Variants in PTPN9 observed in about 807,000 individuals in gnomAD.
PTPN9 encodes the protein protein tyrosine phosphatase non-receptor type 9.
A neutral mutation model predicts 69.8 loss-of-function variants in PTPN9; 26 were observed. The observed-to-expected ratio is 0.37, with a 90% CI of 0.27 to 0.52. The LOEUF (loss-of-function observed/expected upper bound fraction) is 0.52, where lower values mean the gene tolerates loss of function less well. PTPN9 is among the 20% of genes least tolerant of loss of function. PTPN9 has a pLI of 0.91. For synonymous variants in PTPN9, 274 were observed against 272.5 expected, an observed-to-expected ratio of 1.01 and a Z score of -0.05; for missense variants, 549 against 740.3, an observed-to-expected ratio of 0.74 and a Z score of 3.00.
At chr15:75,547,414 T>A (rs1595967159) in intron 1 of PTPN9, among the ~76,000 whole-genome samples, 2 of 150,742 alleles carry the variant, frequency 1.3e-5, no homozygotes, top group South Asian at 2.1e-4. Context: ...CTGGCCAACA[T>A]GGTGAAACCC....
intron 1 of PTPN9, among the ~76,000 whole-genome samples, chr15:75,535,163 T>C (rs1000224942): frequency 6.6e-6 from 1 of 151,628 alleles, no homozygotes; most frequent in African/African-American, 2.4e-5. Flanking sequence ...TGCCTGGCTA[T>C]TTTTTTGTAT....
intron 1 of PTPN9, among the ~76,000 whole-genome samples, chr15:75,550,764 A>G (rs2075053623): frequency 6.6e-6 from 1 of 152,132 alleles, no homozygotes; most frequent in East Asian, 1.9e-4. Context: ...AACCTGGGCA[A>G]AAAGAGTGAA....
intron 1 of PTPN9, among the ~76,000 whole-genome samples, chr15:75,551,237 G>A (rs2075055472): frequency 6.6e-6 from 1 of 151,722 alleles, no homozygotes; most frequent in Non-Finnish European, 1.5e-5. Flanking sequence ...CCCTGCCGAG[G>A]GCTGTTAAGA....
At position 75,523,156 on chromosome 15, in the gene PTPN9, C is replaced by T. The variant is rs151265510; in HGVS notation, c.387G>A (p.Gln129=). The change falls in exon 4 of 13, where the codon CAG becomes CAA. Residue 129 remains glutamine (Q), a synonymous_variant. Transcript: ENST00000618819. ...PHKSVQHVVL[Q]ALFYLLDRAV... ...CTCTGTCTAGCAAGTAAAACAGAGC[C>T]TGAAGTACCACATGTTGGACTGACT... is the stretch of plus-strand genomic sequence containing the variant. The T allele has an allele frequency of 1.2e-4, 198 of 1,614,096 alleles. No individual in the cohort carries two copies. In the African/African-American group the frequency reaches 2.5e-3, roughly 20 times the overall value.
At position 75,499,351 on chromosome 15, in the gene PTPN9, TC is replaced by T. The variant is rs142909591; in HGVS notation, c.968+6323del. 1.0e-2 allele frequency among the ~76,000 whole-genome samples: 1,496 copies of T among 150,258 alleles called. 13 individuals carry two copies. The highest frequency in any genetic ancestry group is 0.015 in the Non-Finnish European group (1,028 of 67,786). ...AGATGAGAGATCTGTTCTCTGATTG[TC>T]AAATGGTAGCTGGTTTGGATGATGG... On this transcript the variant is annotated intron_variant, in intron 7 of 12. Transcript: ENST00000618819.
At chr15:75,518,354 G>A (rs540068533) in intron 4 of PTPN9, among the ~76,000 whole-genome samples, 2 of 151,422 alleles carry the variant, frequency 1.3e-5, no homozygotes, top group Non-Finnish European at 2.9e-5. Context: ...AAGACTGGGC[G>A]CAGTGGCTCA....
chr15:75,470,502 C>T (rs562709822), intron 11 of PTPN9, among the ~76,000 whole-genome samples, 178 bp downstream of exon 11: 12 of 152,326 alleles, frequency 7.9e-5, no homozygotes, highest in East Asian at 3.9e-4. Flanking sequence ...ATGTTCCTAT[C>T]GTGCTGCAGT....
intron 1 of PTPN9, among the ~76,000 whole-genome samples, chr15:75,535,409 T>A (rs1439070706): frequency 6.6e-6 from 1 of 152,214 alleles, no homozygotes; most frequent in East Asian, 1.9e-4. Context: ...TTTTTGTCCC[T>A]ACTCTCAGAC....
chr15:75,516,286 A>G (rs972033245), intron 5 of PTPN9, among the ~76,000 whole-genome samples: 9 of 150,620 alleles, frequency 6.0e-5, no homozygotes, highest in Non-Finnish European at 1.2e-4. Context: ...TAAGCAGGAA[A>G]TTTATGTATG....
At chr15:75,495,367 C>A (rs1205845386) in intron 7 of PTPN9, among the ~76,000 whole-genome samples, 2 of 152,052 alleles carry the variant, frequency 1.3e-5, no homozygotes, top group Non-Finnish European at 2.9e-5. Context: ...TACATTCAAT[C>A]ACTTGGAAAC....
intron 1 of PTPN9, among the ~76,000 whole-genome samples, chr15:75,575,074 C>T (rs1229037008): frequency 3.7e-5 from 1 of 26,862 alleles, no homozygotes; most frequent in East Asian, 9.4e-4. Context: ...CCCGGGTTCA[C>T]GCCATTCTCC....
chr15:75,571,667 C>A (rs2075149110), intron 1 of PTPN9, among the ~76,000 whole-genome samples: 1 of 151,962 alleles, frequency 6.6e-6, no homozygotes, highest in South Asian at 2.1e-4. Flanking sequence ...GAGGCAGAGG[C>A]AGGTGGATCA....
intron 8 of PTPN9, among the ~76,000 whole-genome samples, chr15:75,482,444 A>G (rs2074644144): frequency 6.6e-6 from 1 of 152,002 alleles, no homozygotes; most frequent in Non-Finnish European, 1.5e-5. Flanking sequence ...GGGCGCCTGT[A>G]GTCCCAGCTA....
chr15:75,495,168 T>C (rs1021603719), intron 7 of PTPN9, among the ~76,000 whole-genome samples: 4 of 151,546 alleles, frequency 2.6e-5, no homozygotes, highest in African/African-American at 9.7e-5. Context: ...TCCAGCAAAA[T>C]AGAATAAAAG....
intron 1 of PTPN9, among the ~76,000 whole-genome samples, chr15:75,532,153 C>T (rs1364512250): frequency 3.3e-5 from 5 of 152,182 alleles, no homozygotes; most frequent in African/African-American, 9.6e-5. Context: ...AAACCCAGCA[C>T]TTTGGGAAGC....
At chr15:75,506,795 T>TA (rs1193763685) in intron 6 of PTPN9, among the ~76,000 whole-genome samples, 1 of 152,150 alleles carries the variant, frequency 6.6e-6, no homozygotes, top group African/African-American at 2.4e-5. Context: ...CTCTTCCTCC[T>TA]AAAAGCTCAT....
At position 75,506,075 on chromosome 15, in the gene PTPN9, G is replaced by C. The variant is rs1348436072; in HGVS notation, c.640-72C>G. On this transcript the variant is annotated intron_variant, in intron 6 of 12. Coordinates refer to ENST00000618819, the MANE Select transcript of PTPN9 (RefSeq NM_002833.4). ...GCATATAGAGTGACAAAGAATAAAT[G>C]TATTTATATCAGGTTTGGAGGATGG... 2.5e-6 allele frequency: 3 copies of C among 1,213,008 alleles called. No homozygotes were observed. In the African/African-American group the frequency reaches 4.5e-5, roughly 18 times the overall value. The allele number at this position is 1,213,008 out of a possible 1,614,324, so 75.1% of individuals were successfully genotyped here.
At chr15:75,569,854 G>A (rs1483215871) in intron 1 of PTPN9, among the ~76,000 whole-genome samples, 6 of 151,416 alleles carry the variant, frequency 4.0e-5, no homozygotes, top group East Asian at 1.9e-4. Flanking sequence ...ATGGATTCTC[G>A]CTTTGTCACC....
chr15:75,530,545 T>TTATAA (rs373219670), intron 1 of PTPN9, among the ~76,000 whole-genome samples: 5,834 of 34,580 alleles, frequency 0.17, 952 homozygotes, highest in African/African-American at 0.3. Context: ...TATTATTATA[T>TTATAA]TATAATATAT....
Sources: gnomAD v4.1 joint callset for allele counts (sites outside exome capture counted in the v4.1 genomes callset) on GRCh38, gnomAD v4.1.1 for gene constraint, MANE v1.5 for transcripts, NCBI Gene and HGNC (gene_info 2026-07-23, HGNC 2026-07-21) for gene names.